PKNOX2: variants seen among roughly 807,000 people sequenced by gnomAD.
PKNOX2 encodes PBX/knotted 1 homeobox 2, also known as homeobox protein PKNOX2.
In PKNOX2, 14 loss-of-function variants were observed where a neutral mutation model predicts 53.1. The ratio of observed to expected loss-of-function variants is 0.26; its 90% CI spans 0.17 to 0.41. The LOEUF is 0.41. PKNOX2 is among the 10% of genes least tolerant of loss of function. The pLI is 1.00. For synonymous variants in PKNOX2, 257 were observed against 242.8 expected (o/e 1.06, Z -0.54); for missense variants, 496 against 602.8 (o/e 0.82, Z 1.85).
In PKNOX2 at chr11:125,166,507, T is replaced by C. The variant is rs1186022776; in HGVS notation, c.-201+1731T>C. Among the ~76,000 whole-genome samples, 1 of 152,124 alleles carries C rather than the reference T, an allele frequency of 6.6e-6. No homozygotes were observed. The highest frequency in any genetic ancestry group is 1.5e-5 in the Non-Finnish European group (1 of 67,998). On this transcript the variant is annotated intron_variant, in intron 1 of 12. Transcript: ENST00000298282. This position sits in a 1 kb window ranked among gnomAD's most constrained non-coding sequence, Gnocchi z 4.0. ...AGCCTCGCGGGGCTGGGAGTGGATC[T>C]GAGGTCCCGACCCAGGCGGCTCGGA...
At chr11:125,195,453 A>T (rs1957121472) in intron 1 of PKNOX2, among the ~76,000 whole-genome samples, 1 of 152,114 alleles carries the variant, frequency 6.6e-6, no homozygotes, top group Admixed American at 6.6e-5. Flanking sequence ...AGGGGTGAAG[A>T]CTTTCAGCAG....
At chr11:125,386,472 G>C (rs567409693) in intron 6 of PKNOX2, among the ~76,000 whole-genome samples, 2 of 151,988 alleles carry the variant, frequency 1.3e-5, no homozygotes, top group African/African-American at 4.8e-5. Flanking sequence ...GCAGTAGAGA[G>C]GTTTCTCTGT....
rs1173743583 is a variant in PKNOX2, at chr11:125,410,246, C to T, written c.639C>T (p.Pro213=). 5.6e-6 allele frequency: 9 copies of T among 1,613,960 alleles called. No homozygotes were observed. The highest frequency in any genetic ancestry group is 2.2e-5 in the East Asian group (1 of 44,870). Reference sequence around the variant, plus strand: ...CCATGTCCGGAGTCTCCAATAACCCCCAGGGGATTGTGGTCCCAGCCTCAG... The same window carrying T: ...CCATGTCCGGAGTCTCCAATAACCCTCAGGGGATTGTGGTCCCAGCCTCAG... ...PNSMSGVSNN[P]QGIVVPASAL... Residue 213 remains proline, a synonymous_variant, in exon 8 of 13, where the codon CCC becomes CCT. Transcript: ENST00000298282.
At chr11:125,411,688 C>A in intron 9 of PKNOX2, 58 bp from the exon 10 acceptor site, 1 of 1,612,312 alleles carries the variant, frequency 6.2e-7, no homozygotes, top group East Asian at 2.2e-5. Flanking sequence ...GGCAACAGGT[C>A]CCCAGCCGCT....
intron 1 of PKNOX2, among the ~76,000 whole-genome samples, chr11:125,185,093 G>A (rs1956368231): frequency 6.6e-6 from 1 of 152,174 alleles, no homozygotes; most frequent in South Asian, 2.1e-4. Context: ...CCTGATTCCA[G>A]CACCTCTGCA....
At chr11:125,177,676 C>T (rs570806193) in intron 1 of PKNOX2, among the ~76,000 whole-genome samples, 4 of 152,314 alleles carry the variant, frequency 2.6e-5, no homozygotes, top group Non-Finnish European at 4.4e-5. Flanking sequence ...TCTCTCTCCC[C>T]ACAGTGCTGC....
intron 1 of PKNOX2, among the ~76,000 whole-genome samples, chr11:125,195,007 C>T (rs767581504): frequency 5.9e-5 from 9 of 152,154 alleles, no homozygotes; most frequent in South Asian, 4.2e-4. Context: ...GTATTATGGA[C>T]GGGAAAATGG....
chr11:125,254,247 GT>G (rs568421180), intron 2 of PKNOX2, among the ~76,000 whole-genome samples: 33 of 152,334 alleles, frequency 2.2e-4, no homozygotes, highest in Admixed American at 2.2e-3. Context: ...AAACTCACCA[GT>G]GGCTTCCATC....
intron 2 of PKNOX2, among the ~76,000 whole-genome samples, chr11:125,282,836 A>G (rs1440037462): frequency 6.6e-6 from 1 of 152,246 alleles, no homozygotes; most frequent in African/African-American, 2.4e-5. Flanking sequence ...GTACAGCTGA[A>G]GGAATGAATT....
At chr11:125,302,129 G>A (rs993617573) in intron 2 of PKNOX2, among the ~76,000 whole-genome samples, 1 of 152,216 alleles carries the variant, frequency 6.6e-6, no homozygotes, top group South Asian at 2.1e-4. Flanking sequence ...GGTCCAGAGA[G>A]GCCTCACAGA....
At chr11:125,386,292 T>C (rs994657380) in intron 6 of PKNOX2, among the ~76,000 whole-genome samples, 2 of 152,206 alleles carry the variant, frequency 1.3e-5, no homozygotes, top group Non-Finnish European at 2.9e-5. Context: ...TAAAAATACA[T>C]ATTTCTAGGC....
At chr11:125,265,547 A>G (rs1204375210) in intron 2 of PKNOX2, among the ~76,000 whole-genome samples, 1 of 152,120 alleles carries the variant, frequency 6.6e-6, no homozygotes, top group Non-Finnish European at 1.5e-5. Flanking sequence ...TCTCTGCCCC[A>G]TGGCCTCTGC....
chr11:125,308,153 A>G (rs777643823), intron 2 of PKNOX2, among the ~76,000 whole-genome samples: 1 of 152,180 alleles, frequency 6.6e-6, no homozygotes, highest in Non-Finnish European at 1.5e-5. Context: ...GGCCACTGGG[A>G]TGGCCTTCCT....
rs970111205 is a variant in PKNOX2 at position 125,351,190 on chromosome 11, G to A, written c.-22-94G>A. ...ACCCTTGCCGCATCCAGCCGGCCCA[G>A]GTGGCCCAGCGGGGGACACAGGGAG... is the stretch of plus-strand genomic sequence containing the variant. On this transcript the variant is annotated intron_variant, in intron 3 of 12. Transcript: ENST00000298282. The A allele has an allele frequency of 1.2e-5, 9 of 721,996 alleles. No homozygotes were observed. In the East Asian group the frequency reaches 2.4e-4, roughly 19 times the overall value. 44.7% of individuals were successfully genotyped at this position (721,996 alleles called of 1,614,324 possible).
At chr11:125,178,910 A>C (rs2135259377) in intron 1 of PKNOX2, among the ~76,000 whole-genome samples, 1 of 152,122 alleles carries the variant, frequency 6.6e-6, no homozygotes, top group Non-Finnish European at 1.5e-5. Flanking sequence ...TGGTACAGTA[A>C]TTCTCAACTC....
intron 4 of PKNOX2, among the ~76,000 whole-genome samples, chr11:125,366,340 G>C (rs982378799): frequency 7.2e-5 from 11 of 152,138 alleles, no homozygotes; most frequent in Non-Finnish European, 1.6e-4. Flanking sequence ...GGGTATTTCT[G>C]CCTAATAAAC....
At chr11:125,353,369 G>A (rs1052844651) in intron 4 of PKNOX2, among the ~76,000 whole-genome samples, 19 of 152,196 alleles carry the variant, frequency 1.2e-4, no homozygotes, top group Non-Finnish European at 2.4e-4. Context: ...TTGGTTTGGC[G>A]GGGATTAGCC....
At chr11:125,409,959 C>T (rs1010835473) in intron 7 of PKNOX2, 1 of 440,046 alleles carries the variant, frequency 2.3e-6, no homozygotes, top group African/African-American at 2.0e-5. Context: ...CTTAGGTTTT[C>T]AGGGCAATGG....
At position 125,304,476 on chromosome 11, in the gene PKNOX2, G is replaced by A. The variant is rs200377541; in HGVS notation, c.-129-27343G>A. ...AGGAGGGGAGCAGCCTGAGAGGCAC[G>A]GGAAGGGGCACGTGGGAAGGGGAGG... On this transcript the variant is annotated intron_variant, in intron 2 of 12. Coordinates refer to ENST00000298282, the MANE Select transcript of PKNOX2 (RefSeq NM_001382323.2). Among the ~76,000 whole-genome samples, 15 of 152,358 alleles carry A rather than the reference G, an allele frequency of 9.8e-5. No individual in the cohort carries two copies. In the East Asian group the frequency reaches 1.2e-3, roughly 12 times the overall value.
Sources: gnomAD v4.1 joint callset for allele counts (sites outside exome capture counted in the v4.1 genomes callset) on GRCh38, gnomAD v4.1.1 for gene constraint, Gnocchi (gnomAD v3.1) non-coding constraint, MANE v1.5 for transcripts, NCBI Gene and HGNC (gene_info 2026-07-23, HGNC 2026-07-21) for gene names.